Variants in SHPRH observed in about 807,000 individuals in gnomAD.
SHPRH encodes SNF2 histone linker PHD RING helicase, also known as E3 ubiquitin-protein ligase SHPRH.
In SHPRH, 106 loss-of-function variants were observed where a neutral mutation model predicts 202.5. The ratio of observed to expected loss-of-function variants is 0.52; its 90% CI spans 0.45 to 0.62. The LOEUF (loss-of-function observed/expected upper bound fraction) is 0.62. Ranked by LOEUF, SHPRH falls within the 20% of genes least tolerant of loss-of-function variation. The pLI, the probability that SHPRH is intolerant of heterozygous loss-of-function variation, is 0.00. For missense variants in SHPRH, 1,710 were observed against 2,020.0 expected, an observed-to-expected ratio of 0.85 and a Z score of 2.94; for synonymous variants, 729 against 686.0, an observed-to-expected ratio of 1.06 and a Z score of -0.98.
At position 145,945,447 on chromosome 6, in the gene SHPRH, A is replaced by T. The variant is rs1359635451; in HGVS notation, c.1512T>A (p.Phe504Leu). 6.2e-7 allele frequency: 1 copy of T among 1,613,006 alleles called. No individual in the cohort carries two copies. The highest frequency in any genetic ancestry group is 1.3e-5 in the African/African-American group (1 of 74,842). The change falls in exon 8 of 30, where the codon TTT (phenylalanine) becomes TTA (leucine). Residue 504 changes from phenylalanine (F) to leucine (L), a missense_variant. By Grantham distance (22) the Phe-to-Leu change is conservative. Around this residue, in one of 8 missense-constraint regions of SHPRH, gnomAD observed 348 missense variants for 356.9 expected, o/e 0.97. Coordinates refer to ENST00000275233, the MANE Select transcript of SHPRH (RefSeq NM_001042683.3). ...TCTTTCCCAATGTAAAAGTCCCAGA[A>T]AAACCATGGCCTTTGATCTGTTTCA... The part of the protein sequence containing the change: ...GLVKQIKGHG[F>L]SGTFTLGKNY...
rs143526070 is a variant in SHPRH, at chr6:145,885,137, A to G, written c.*1554T>C. The G allele has an allele frequency of 1.8e-3, 270 of 152,294 alleles. 1 individual carries two copies. Among genetic ancestry groups the G allele is most frequent in the African/African-American group, 6.3e-3 (262 of 41,568 alleles). The allele number at this position is 152,294 out of a possible 1,614,324, so 9.4% of individuals were successfully genotyped here. A position where few individuals can be genotyped will look rare whatever the true frequency, so the allele number is the denominator to read the frequency against. On this transcript the variant is annotated 3_prime_UTR_variant, in exon 30 of 30. Transcript: ENST00000275233. ...CTACATGTCCTAAGAAAGTTTCAAT[A>G]TATCTGAACTTCAGTTCTCTACCTT...
intron 5 of SHPRH, 127 bp downstream of exon 5, chr6:145,948,145 T>A: frequency 1.7e-6 from 1 of 586,596 alleles, no homozygotes; most frequent in Non-Finnish European, 2.9e-6. Flanking sequence ...TAGATATGTC[T>A]AATCAAGACT....
Position 145,894,150 on chromosome 6 carries a change from C to G in SHPRH, c.4695G>C (p.Gln1565His). The stretch of plus-strand genomic sequence containing the variant: ...AAACCGGAGTAAAATCTTAACATAC[C>G]TGAAATGTCTTAACACGACTGATTT... ...FAQISRVKTF[Q>H]ENLSAFKRDP... The change falls in exon 27 of 30, where the codon CAG becomes CAC. Residue 1565 changes from glutamine (Q) to histidine (H), a missense_variant and splice_region_variant. Gln to His is a conservative substitution (Grantham distance 24). Transcript: ENST00000275233. The G allele has an allele frequency of 6.3e-7, 1 of 1,591,254 alleles. No individual in the cohort carries two copies. The highest frequency in any genetic ancestry group is 8.5e-7 in the Non-Finnish European group (1 of 1,172,526).
chr6:145,889,746 T>C (rs1562286373), intron 28 of SHPRH, among the ~76,000 whole-genome samples: 3 of 152,148 alleles, frequency 2.0e-5, no homozygotes, highest in African/African-American at 7.2e-5. Flanking sequence ...ACTTGAAGCA[T>C]TTCAGTTAAG....
chr6:145,867,627 TATATAGAGAGAGAGAGAGAG>T (rs1489658943), intron 2 of SHPRH, among the ~76,000 whole-genome samples: 10 of 53,798 alleles, frequency 1.9e-4, no homozygotes, highest in East Asian at 1.7e-3. Context: ...TATATATATA[TATATAGAGAGAGAGAGAGAG>T]AGAGAGAGAG....
At position 145,950,628 on chromosome 6, in the gene SHPRH, T is replaced by C. The variant is rs983222998; in HGVS notation, c.764-146A>G. The C allele has an allele frequency of 9.3e-6, 6 of 645,198 alleles. No individual in the cohort carries two copies. The African/African-American group carries it at 1.1e-4, about 12-fold the overall frequency. 40.0% of individuals were successfully genotyped at this position (645,198 alleles called of 1,614,324 possible). ...GTCACTGAAAGGCCCTATCTTTAAT[T>C]CTTCATTAATCAAAAATCTACTCAT... On this transcript the variant is annotated intron_variant, in intron 3 of 29. Transcript: ENST00000275233.
At chr6:145,910,673 A>G in intron 24 of SHPRH, 37 bp from the exon 25 acceptor site, 14 of 1,489,972 alleles carry the variant, frequency 9.4e-6, no homozygotes, top group Non-Finnish European at 1.3e-5. Flanking sequence ...GTGCTATCAA[A>G]GATGCCTTAC....
In SHPRH at chr6:145,926,189, G is replaced by T. The variant is rs1562328920; in HGVS notation, c.3294+15C>A. The T allele has an allele frequency of 6.2e-7, 1 of 1,609,824 alleles. No homozygotes were observed. The highest frequency in any genetic ancestry group is 1.7e-5 in the Admixed American group (1 of 59,800). On this transcript the variant is annotated intron_variant, in intron 16 of 29. Coordinates refer to ENST00000275233, the MANE Select transcript of SHPRH (RefSeq NM_001042683.3). ...GAAAATATACTTTTATAGACAGAAT[G>T]AAAAAAATAATTACCTCTTCCTCAA...
intron 2 of SHPRH, among the ~76,000 whole-genome samples, chr6:145,864,943 T>TCACA (rs71552940): frequency 0.035 from 3,585 of 102,750 alleles, 48 homozygotes; most frequent in Middle Eastern, 0.043. Context: ...ACACACACAC[T>TCACA]CACACACACA....
At chr6:145,962,858 C>G (rs1430439956) in intron 1 of SHPRH, among the ~76,000 whole-genome samples, 1 of 152,144 alleles carries the variant, frequency 6.6e-6, no homozygotes, top group East Asian at 1.9e-4. Flanking sequence ...ATAATTCCAG[C>G]AAGGTGAGAG....
Position 145,886,677 on chromosome 6 carries a change from G to C in SHPRH, c.*14C>G, listed in dbSNP as rs772063019. The C allele has an allele frequency of 2.5e-5, 40 of 1,609,348 alleles. No individual in the cohort carries two copies. The Middle Eastern group carries it at 8.3e-4, about 33-fold the overall frequency. The stretch of plus-strand genomic sequence containing the variant: ...ATTAATACACTAAAGTCCATGGAAT[G>C]AATCAAGTGTAGTTCATTCAAGCTC... On this transcript the variant is annotated 3_prime_UTR_variant, in exon 30 of 30. Coordinates refer to ENST00000275233, the MANE Select transcript of SHPRH (RefSeq NM_001042683.3).
At chr6:145,954,124 G>A (rs994080235) in intron 2 of SHPRH, among the ~76,000 whole-genome samples, 2 of 149,844 alleles carry the variant, frequency 1.3e-5, no homozygotes, top group Non-Finnish European at 3.0e-5. Context: ...GGAATTACCA[G>A]GGAAGGGGAA....
intron 14 of SHPRH, among the ~76,000 whole-genome samples, chr6:145,931,308 C>T (rs1785413712): frequency 6.6e-6 from 1 of 151,468 alleles, no homozygotes; most frequent in African/African-American, 2.4e-5. Flanking sequence ...TTTTTTGCAC[C>T]CTTTTTTCTT....
chr6:145,955,298 G>T lies in SHPRH; in HGVS notation c.25C>A (p.Pro9Thr). ...TTTTCCTCATCTACCCTCACTGGAG[G>T]AGCACGTTTCCGTCGGCTGCTCATT... Reference protein sequence around the residue: MSSRRKRAPPVRVDEEKRQ... With the variant: MSSRRKRATPVRVDEEKRQ... Residue 9 changes from proline (P) to threonine (T), a missense_variant, in exon 2 of 30, where the codon CCT becomes ACT. Physicochemically the swap from Pro to Thr is conservative, Grantham distance 38. Transcript: ENST00000275233. The T allele has an allele frequency of 6.2e-7, 1 of 1,601,404 alleles. No homozygotes were observed. The highest frequency in any genetic ancestry group is 1.1e-5 in the South Asian group (1 of 90,770).
intron 25 of SHPRH, among the ~76,000 whole-genome samples, chr6:145,902,139 G>T (rs1050887796): frequency 2.6e-5 from 4 of 152,014 alleles, no homozygotes; most frequent in African/African-American, 9.7e-5. Context: ...TCCACTTTCT[G>T]GAAAATAAAG....
In SHPRH at chr6:145,945,592, TTTCCA is replaced by T. The variant is rs1227700441; in HGVS notation, c.1362_1366del (p.Asn454LysfsTer11). On this transcript the variant is annotated frameshift_variant, in exon 8 of 30. Transcript: ENST00000275233. LOFTEE classifies it high-confidence loss of function. ...GATGGAAAGGATGGACACTCCTTTT[TTTCCA>T]TTCATTTCTTTCACAGCTGTCAGTA... 1.2e-6 allele frequency: 2 copies of T among 1,612,392 alleles called. No individual in the cohort carries two copies. Among genetic ancestry groups the T allele is most frequent in the African/African-American group, 2.7e-5 (2 of 74,830 alleles).
At chr6:145,933,391 TA>T (rs1376219692) in intron 13 of SHPRH, among the ~76,000 whole-genome samples, 1 of 152,094 alleles carries the variant, frequency 6.6e-6, no homozygotes, top group Non-Finnish European at 1.5e-5. Flanking sequence ...CCCATTTCAG[TA>T]AAGGGAGAAT....
At chr6:145,863,296 G>A (rs1023804994), downstream of SHPRH, among the ~76,000 whole-genome samples, 1 of 152,168 alleles carries the variant, frequency 6.6e-6, no homozygotes, top group African/African-American at 2.4e-5. Flanking sequence ...TTTGATTTAA[G>A]CTAATCAAGG....
At position 145,945,101 on chromosome 6, in the gene SHPRH, A is replaced by G. The variant is rs566029739; in HGVS notation, c.1578+280T>C. 3.9e-5 allele frequency among the ~76,000 whole-genome samples: 6 copies of G among 152,230 alleles called. No individual in the cohort carries two copies. The South Asian group carries it at 1.2e-3, about 32-fold the overall frequency. ...TACAGAAGATGCTTTATACTCTATA[A>G]TACGCTTAGCCAACTAGTTTTTTAA... is the stretch of plus-strand genomic sequence containing the variant. On this transcript the variant is annotated intron_variant, in intron 8 of 29. Transcript: ENST00000275233.
Sources: allele counts gnomAD v4.1 joint callset (sites outside exome capture counted in the v4.1 genomes callset), GRCh38; gene constraint gnomAD v4.1.1; regional missense constraint gnomAD v4.1.1; transcripts MANE v1.5; gene names NCBI Gene and HGNC (gene_info 2026-07-23, HGNC 2026-07-21).